LSR: variants seen among roughly 807,000 people sequenced by gnomAD.
LSR encodes the protein lipolysis stimulated lipoprotein receptor, also known as lipolysis-stimulated lipoprotein receptor.
A neutral mutation model predicts 61.8 loss-of-function variants in LSR; 44 were observed. The ratio of observed to expected loss-of-function variants is 0.71; its 90% CI spans 0.56 to 0.91. The LOEUF is 0.91. Ranked by LOEUF, LSR falls within the 40% of genes least tolerant of loss-of-function variation. The pLI is 0.00. For missense variants in LSR, 911 were observed against 830.5 expected (o/e 1.10, Z -1.19); for synonymous variants, 397 against 350.6 (o/e 1.13, Z -1.48).
At chr19:35,265,061 CAGT>C (rs2065979199) in intron 5 of LSR, among the ~76,000 whole-genome samples, 1 of 152,164 alleles carries the variant, frequency 6.6e-6, no homozygotes. Flanking sequence ...TCATTGAAGT[CAGT>C]GGTGTGCAAC....
At position 35,253,317 on chromosome 19, in the gene LSR, T is replaced by TA. The variant is rs917904479; in HGVS notation, c.454+2668dup. ...CCTGGGAAACAGTGAGACTCCGTCT[T>TA]AAAAAAAAAAGAAAAAAGAAAATAG... is the stretch of plus-strand genomic sequence containing the variant. On this transcript the variant is annotated intron_variant, in intron 2 of 9. Coordinates refer to ENST00000605618, the MANE Select transcript of LSR (RefSeq NM_205834.4). 88 of 148,280 alleles carry TA rather than the reference T, an allele frequency of 5.9e-4. 1 individual carries two copies. Among genetic ancestry groups the TA allele is most frequent in the African/African-American group, 1.5e-3 (60 of 40,462 alleles). The allele number at this position is 148,280 out of a possible 1,614,324, so 9.2% of individuals were successfully genotyped here. A position where few individuals can be genotyped will look rare whatever the true frequency, so the allele number is the denominator to read the frequency against.
intron 1 of LSR, 140 bp downstream of exon 1, chr19:35,249,271 C>CTGT (rs1204017833): frequency 9.4e-7 from 1 of 1,067,506 alleles, no homozygotes; most frequent in Admixed American, 3.3e-5. Context: ...CTTGGGCGAT[C>CTGT]TGTTGCGCGC....
chr19:35,249,136 G>C lies in LSR; in HGVS notation c.109+5G>C, dbSNP rs1302810806. 2.6e-6 allele frequency: 4 copies of C among 1,528,424 alleles called. No individual in the cohort carries two copies. Among genetic ancestry groups the C allele is most frequent in the Non-Finnish European group, 3.5e-6 (4 of 1,142,104 alleles). 94.7% of individuals were successfully genotyped at this position (1,528,424 alleles called of 1,614,324 possible). ...TGCTTAGCACCTGGTGCACAGGTAC[G>C]GGGCACGGGGCCTCTGACGCTGCGG... On this transcript the variant is annotated splice_donor_5th_base_variant and intron_variant, in intron 1 of 9. Transcript: ENST00000605618.
At position 35,266,479 on chromosome 19, in the gene LSR, C is replaced by G; in HGVS notation, c.899C>G (p.Ala300Gly). 1 of 1,612,708 alleles carries G rather than the reference C, an allele frequency of 6.2e-7. No homozygotes were observed. Among genetic ancestry groups the G allele is most frequent in the Non-Finnish European group, 8.5e-7 (1 of 1,179,228 alleles). ...PPPAMIPMGP[A>G]YNGYPGGYPG... The stretch of plus-strand genomic sequence containing the variant: ...CCAGCTATGATTCCCATGGGCCCTG[C>G]CTACAACGGGTACCCTGGAGGATAC... Residue 300 changes from alanine (A) to glycine (G), a missense_variant, in exon 6 of 10, where the codon GCC (alanine) becomes GGC (glycine). Ala to Gly is a moderately conservative substitution (Grantham distance 60). Transcript: ENST00000605618.
chr19:35,254,392 G>A (rs796896762), intron 2 of LSR, among the ~76,000 whole-genome samples: 105 of 152,246 alleles, frequency 6.9e-4, no homozygotes, highest in African/African-American at 2.5e-3. Flanking sequence ...CACCATGCCC[G>A]GCCTATCCTG....
chr19:35,260,291 C>CTTTTT (rs66534837), intron 3 of LSR, among the ~76,000 whole-genome samples: 22 of 114,012 alleles, frequency 1.9e-4, no homozygotes, highest in Middle Eastern at 5.8e-3. Context: ...GGAGATTTTC[C>CTTTTT]TTTTTTTTTT....
At chr19:35,250,226 C>G (rs148123490) in intron 1 of LSR, 89 bp from the exon 2 acceptor site, 70 of 824,046 alleles carry the variant, frequency 8.5e-5, no homozygotes, top group Middle Eastern at 2.4e-4. Flanking sequence ...CACATACTTG[C>G]GAGTGTCAAG....
At position 35,250,408 on chromosome 19, in the gene LSR, C is replaced by G; in HGVS notation, c.203C>G (p.Thr68Ser). 3 of 1,613,704 alleles carry G rather than the reference C, an allele frequency of 1.9e-6. No individual in the cohort carries two copies. In the East Asian group the frequency reaches 6.7e-5, roughly 36 times the overall value. Residue 68 changes from threonine (T) to serine (S), a missense_variant, in exon 2 of 10, where the codon ACC becomes AGC. Transcript: ENST00000605618. ...ACCCTGCCCTGTACCTACCAGATGA[C>G]CTCGACCCCCACGCAACCCATCGTC... ...PVTLPCTYQMTSTPTQPIVIW... is the reference protein window; with the variant it reads ...PVTLPCTYQMSSTPTQPIVIW...
At chr19:35,264,373 C>G (rs895176189) in intron 5 of LSR, 6 of 152,186 alleles carry the variant, frequency 3.9e-5, no homozygotes, top group Non-Finnish European at 7.3e-5. Flanking sequence ...GCTCCTGTCT[C>G]TCTTCTGTGA....
intron 2 of LSR, among the ~76,000 whole-genome samples, chr19:35,257,573 G>A (rs1004067979): frequency 1.3e-5 from 2 of 152,152 alleles, no homozygotes; most frequent in African/African-American, 4.8e-5. Flanking sequence ...TGCAGCACGC[G>A]TGGTTGCTGC....
intron 5 of LSR, among the ~76,000 whole-genome samples, chr19:35,265,940 A>G (rs908714028): frequency 5.9e-5 from 9 of 152,186 alleles, no homozygotes; most frequent in African/African-American, 1.9e-4. Context: ...GGCTTTATAT[A>G]AAGGGCAGCT....
chr19:35,249,057 T>C lies in LSR; in HGVS notation c.35T>C (p.Leu12Pro). ...ALLAGGLSRG[L>P]GSHPAAAGRD... is the part of the protein sequence containing the mutation. ...TTGGCCGGCGGGCTCTCCAGAGGGC[T>C]GGGCTCCCACCCGGCCGCCGCAGGC... Residue 12 changes from leucine to proline, a missense_variant, in exon 1 of 10, where the codon CTG becomes CCG. Leu to Pro is a moderately conservative substitution (Grantham distance 98). Transcript: ENST00000605618. The C allele has an allele frequency of 6.3e-7, 1 of 1,579,558 alleles. No individual in the cohort carries two copies. Among genetic ancestry groups the C allele is most frequent in the Non-Finnish European group, 8.6e-7 (1 of 1,163,902 alleles).
Position 35,250,581 on chromosome 19 carries a change from A to G in LSR, c.376A>G (p.Arg126Gly). 1 of 1,612,434 alleles carries G rather than the reference A, an allele frequency of 6.2e-7. No individual in the cohort carries two copies. Among genetic ancestry groups the G allele is most frequent in the Non-Finnish European group, 8.5e-7 (1 of 1,178,796 alleles). Reference protein sequence around the residue: ...VECQDSVRTVRVVATKQGNAV... With the variant: ...VECQDSVRTVGVVATKQGNAV... ...GTGCCAGGACAGCGTGCGCACCGTC[A>G]GGGTCGTGGCCACCAAGCAGGGCAA... Residue 126 changes from arginine to glycine, a missense_variant, in exon 2 of 10, where the codon AGG becomes GGG. Physicochemically the swap from Arg to Gly is moderately radical, Grantham distance 125. Coordinates refer to ENST00000605618, the MANE Select transcript of LSR (RefSeq NM_205834.4).
chr19:35,267,094 C>G lies in LSR; in HGVS notation c.1145-15C>G. The G allele has an allele frequency of 6.6e-7, 1 of 1,524,750 alleles. No individual in the cohort carries two copies. Among genetic ancestry groups the G allele is most frequent in the Non-Finnish European group, 8.8e-7 (1 of 1,139,570 alleles). 94.5% of individuals were successfully genotyped at this position (1,524,750 alleles called of 1,614,324 possible). On this transcript the variant is annotated splice_polypyrimidine_tract_variant and intron_variant, in intron 8 of 9. Transcript: ENST00000605618. ...GGGCTCCTCCAGCAGTCAGTGACAC[C>G]CCCCTTCCCTGCAGCCATGAGTGAA...
rs1019735298 is a variant in LSR, at chr19:35,267,238, A to C, written c.1274A>C (p.Gln425Pro). 1.4e-5 allele frequency: 21 copies of C among 1,533,214 alleles called. No individual in the cohort carries two copies. Among genetic ancestry groups the C allele is most frequent in the Middle Eastern group, 4.2e-4 (2 of 4,772 alleles). 95.0% of individuals were successfully genotyped at this position (1,533,214 alleles called of 1,614,324 possible). The change falls in exon 9 of 10, where the codon CAG becomes CCG. Residue 425 changes from glutamine to proline, a missense_variant. By Grantham distance (76) the Gln-to-Pro change is moderately conservative. Coordinates refer to ENST00000605618, the MANE Select transcript of LSR (RefSeq NM_205834.4). ...CCCCGGAGTCCCAGGGGATGGGACC[A>C]GGAGCCCGCCAGGGAGCAGGCAGGC... ...HSPRSPRGWD[Q>P]EPAREQAGGG...
Position 35,267,452 on chromosome 19 carries a change from A to T in LSR, c.1488A>T (p.Pro496=). The T allele has an allele frequency of 6.2e-7, 1 of 1,610,424 alleles. No individual in the cohort carries two copies. Among genetic ancestry groups the T allele is most frequent in the South Asian group, 1.1e-5 (1 of 90,790 alleles). Residue 496 remains proline, a synonymous_variant, in exon 9 of 10, where the codon CCA becomes CCT. Transcript: ENST00000605618. ...ACCAAGACGACTCGAGGGACTTCCC[A>T]CGCTCCCGGGACCCCCACTACGACG... ...LYDQDDSRDF[P]RSRDPHYDDF...
Position 35,250,470 on chromosome 19 carries a change from G to A in LSR, c.265G>A (p.Ala89Thr), listed in dbSNP as rs372813457. The change falls in exon 2 of 10, where the codon GCC (alanine) becomes ACC (threonine). Residue 89 changes from alanine to threonine, a missense_variant. Ala to Thr is a moderately conservative substitution (Grantham distance 58). Coordinates refer to ENST00000605618, the MANE Select transcript of LSR (RefSeq NM_205834.4). ...CAAGTCTTTCTGCCGGGACCGCATC[G>A]CCGATGCCTTCTCCCCGGCCAGCGT... is the stretch of plus-strand genomic sequence containing the variant. ...KYKSFCRDRIADAFSPASVDN... is the reference protein window; with the variant it reads ...KYKSFCRDRITDAFSPASVDN... The A allele has an allele frequency of 7.7e-5, 124 of 1,613,922 alleles. No homozygotes were observed. The highest frequency in any genetic ancestry group is 1.0e-4 in the Non-Finnish European group (118 of 1,179,996).
chr19:35,253,085 C>G (rs112396276), intron 2 of LSR, among the ~76,000 whole-genome samples: 1 of 151,980 alleles, frequency 6.6e-6, no homozygotes, highest in African/African-American at 2.4e-5. Flanking sequence ...TTTGGGAGGC[C>G]GAGGTGGGTG....
In LSR at chr19:35,266,757, G is replaced by T. The variant is rs754574219; in HGVS notation, c.1012+19G>T. On this transcript the variant is annotated intron_variant, in intron 7 of 9. Coordinates refer to ENST00000605618, the MANE Select transcript of LSR (RefSeq NM_205834.4). ...GCCTCTGGTGAGAATCCATCGTCCCGAAGTTGGATGTGCCTGTAAGGGAGA... is the reference window on the plus strand; with the variant it reads ...GCCTCTGGTGAGAATCCATCGTCCCTAAGTTGGATGTGCCTGTAAGGGAGA... The T allele has an allele frequency of 1.9e-6, 3 of 1,608,936 alleles. No individual in the cohort carries two copies. In the African/African-American group the frequency reaches 4.0e-5, roughly 21 times the overall value.
Sources: allele counts gnomAD v4.1 joint callset (sites outside exome capture counted in the v4.1 genomes callset), GRCh38; gene constraint gnomAD v4.1.1; transcripts MANE v1.5; gene names NCBI Gene and HGNC (gene_info 2026-07-23, HGNC 2026-07-21).